SLC39A11: variants seen among roughly 807,000 people sequenced by gnomAD.
The protein encoded by SLC39A11 is zinc transporter ZIP11.
SLC39A11 carries 33 observed loss-of-function variants against 36.1 expected under a neutral mutation model. That is an observed-to-expected ratio of 0.91 (90% CI 0.69 to 1.22). The LOEUF (loss-of-function observed/expected upper bound fraction) is 1.22. SLC39A11 is among the 50% of genes most tolerant of loss of function. SLC39A11 has a pLI of 0.00. For synonymous variants in SLC39A11, 166 were observed against 170.3 expected (o/e 0.97, Z 0.20); for missense variants, 432 against 430.3 (o/e 1.00, Z -0.03).
chr17:72,958,646 T>C (rs1425817356), intron 4 of SLC39A11, among the ~76,000 whole-genome samples: 2 of 152,126 alleles, frequency 1.3e-5, no homozygotes, highest in Non-Finnish European at 2.9e-5. Flanking sequence ...GGATCAGGAA[T>C]TCGAGACCAG....
Position 73,002,900 on chromosome 17 carries a change from C to A in SLC39A11, c.306+28656G>T, listed in dbSNP as rs148584757. Among the ~76,000 whole-genome samples the A allele has an allele frequency of 4.9e-3, 754 of 152,340 alleles. 6 individuals are homozygous for A. The highest frequency in any genetic ancestry group is 0.017 in the African/African-American group (696 of 41,562). ...AGCCTCTATGGTCATGTTGCCTCCTCCTCTCCTGTTCAAATCCCCCTCTGC... is the reference window on the plus strand; with the variant it reads ...AGCCTCTATGGTCATGTTGCCTCCTACTCTCCTGTTCAAATCCCCCTCTGC... On this transcript the variant is annotated intron_variant, in intron 4 of 9. Coordinates refer to ENST00000255559, the MANE Select transcript of SLC39A11 (RefSeq NM_139177.4).
At chr17:72,665,099 G>A (rs1246331975) in intron 7 of SLC39A11, among the ~76,000 whole-genome samples, 3 of 152,164 alleles carry the variant, frequency 2.0e-5, no homozygotes, top group Admixed American at 6.5e-5. Flanking sequence ...TACTAGCTCT[G>A]GGGGAAGCCA....
Position 72,935,418 on chromosome 17 carries a change from C to A in SLC39A11, c.430+12334G>T, listed in dbSNP as rs369417007. ...GGTTTAACTACAAGGGGCCAAGAGG[C>A]TGCTCAAGGGAATATGGGGAGGTGA... On this transcript the variant is annotated intron_variant, in intron 5 of 9. Coordinates refer to ENST00000255559, the MANE Select transcript of SLC39A11 (RefSeq NM_139177.4). Among the ~76,000 whole-genome samples, 77 of 152,244 alleles carry A rather than the reference C, an allele frequency of 5.1e-4. 1 individual carries two copies. In the South Asian group the frequency reaches 7.5e-3, roughly 15 times the overall value.
At chr17:72,771,250 G>A (rs866813900) in intron 6 of SLC39A11, among the ~76,000 whole-genome samples, 4 of 151,866 alleles carry the variant, frequency 2.6e-5, no homozygotes, top group Non-Finnish European at 4.4e-5. Flanking sequence ...TGGGAGTGGC[G>A]GCGATGCCTG....
At chr17:72,911,163 G>A (rs1039751771) in intron 5 of SLC39A11, among the ~76,000 whole-genome samples, 3 of 151,916 alleles carry the variant, frequency 2.0e-5, no homozygotes, top group South Asian at 4.2e-4. Flanking sequence ...TCCACCATAC[G>A]GATTTAGAGA....
chr17:72,944,641 C>A (rs944579504), intron 5 of SLC39A11, among the ~76,000 whole-genome samples: 3 of 152,192 alleles, frequency 2.0e-5, no homozygotes, highest in African/African-American at 7.2e-5. Context: ...CTCCTGGCCT[C>A]ATTTCTAGAA....
Position 72,910,771 on chromosome 17 carries a change from A to AT in SLC39A11, c.430+36980dup, listed in dbSNP as rs1203298455. On this transcript the variant is annotated intron_variant, in intron 5 of 9. Coordinates refer to ENST00000255559, the MANE Select transcript of SLC39A11 (RefSeq NM_139177.4). ...GTGAAACCTCATCTCTACTAAAAAT[A>AT]TAAAAAATAGCCGGGCGTGATGGCA... Among the ~76,000 whole-genome samples, 33 of 109,228 alleles carry AT rather than the reference A, an allele frequency of 3.0e-4. No individual in the cohort carries two copies. In the South Asian group the frequency reaches 3.0e-3, roughly 10 times the overall value. The allele number at this position is 109,228 out of a possible 152,430, so 71.7% of individuals were successfully genotyped here. A position where few individuals can be genotyped will look rare whatever the true frequency, so the allele number is the denominator to read the frequency against.
chr17:72,981,594 C>CAAAAA (rs11444135), intron 4 of SLC39A11, among the ~76,000 whole-genome samples: 4 of 131,244 alleles, frequency 3.0e-5, no homozygotes, highest in Non-Finnish European at 3.2e-5. Flanking sequence ...TATTTAAATG[C>CAAAAA]AAAAAAAAAA....
chr17:72,951,052 A>G (rs2452916), intron 4 of SLC39A11, among the ~76,000 whole-genome samples: 42,736 of 151,106 alleles, frequency 0.28, 7,013 homozygotes, highest in East Asian at 0.5. Context: ...ACTTGAGCCC[A>G]GGAGTTCGAG....
At chr17:72,865,195 C>G (rs1208725108) in intron 5 of SLC39A11, among the ~76,000 whole-genome samples, 1 of 151,892 alleles carries the variant, frequency 6.6e-6, no homozygotes, top group Non-Finnish European at 1.5e-5. Flanking sequence ...AATATGGGTC[C>G]CAGGAACAGG....
intron 5 of SLC39A11, among the ~76,000 whole-genome samples, chr17:72,863,527 C>T (rs963930217): frequency 6.6e-6 from 1 of 152,184 alleles, no homozygotes; most frequent in African/African-American, 2.4e-5. Context: ...CCCAATATCC[C>T]ACCCAGACAC....
chr17:72,953,260 T>A (rs1476129805), intron 4 of SLC39A11, among the ~76,000 whole-genome samples: 1 of 151,632 alleles, frequency 6.6e-6, no homozygotes, highest in Non-Finnish European at 1.5e-5. Flanking sequence ...CAGAGCAACT[T>A]CCACCCACTT....
intron 4 of SLC39A11, among the ~76,000 whole-genome samples, chr17:73,025,697 G>A (rs768820683): frequency 8.5e-5 from 13 of 152,182 alleles, no homozygotes; most frequent in East Asian, 1.9e-4. Flanking sequence ...AAAGAAGATC[G>A]AAATGGAGTC....
chr17:72,991,781 AAATGCTGC>A (rs1279741102), intron 4 of SLC39A11, among the ~76,000 whole-genome samples: 3 of 152,244 alleles, frequency 2.0e-5, no homozygotes, highest in African/African-American at 2.4e-5. Flanking sequence ...CCATTACAAG[AAATGCTGC>A]AATGAACATT....
At chr17:72,783,456 T>A (rs981544335) in intron 6 of SLC39A11, among the ~76,000 whole-genome samples, 1 of 152,178 alleles carries the variant, frequency 6.6e-6, no homozygotes, top group African/African-American at 2.4e-5. Context: ...CTCATGGAAA[T>A]TGAGATTACA....
intron 3 of SLC39A11, among the ~76,000 whole-genome samples, chr17:73,068,980 G>A (rs2060079703): frequency 6.6e-6 from 1 of 152,050 alleles, no homozygotes; most frequent in African/African-American, 2.4e-5. Context: ...GGAACTATAG[G>A]TTGATCACGT....
intron 6 of SLC39A11, among the ~76,000 whole-genome samples, chr17:72,807,903 T>C (rs1414523702): frequency 6.6e-6 from 1 of 152,134 alleles, no homozygotes; most frequent in Non-Finnish European, 1.5e-5. Flanking sequence ...ACAACCTAGA[T>C]TGGTGTTTAG....
intron 4 of SLC39A11, among the ~76,000 whole-genome samples, chr17:72,950,219 CTT>C (rs2085766919): frequency 6.6e-6 from 1 of 152,238 alleles, no homozygotes; most frequent in Non-Finnish European, 1.5e-5. Context: ...CCCCATGTAA[CTT>C]TGTCTCAACT....
chr17:72,808,615 G>A (rs1385442095), intron 6 of SLC39A11, among the ~76,000 whole-genome samples: 1 of 152,176 alleles, frequency 6.6e-6, no homozygotes, highest in South Asian at 2.1e-4. Flanking sequence ...CTCAGGAGTC[G>A]TGTGGCCAGA....
Sources: gnomAD v4.1 joint callset for allele counts (sites outside exome capture counted in the v4.1 genomes callset) on GRCh38, gnomAD v4.1.1 for gene constraint, MANE v1.5 for transcripts, NCBI Gene and HGNC (gene_info 2026-07-23, HGNC 2026-07-21) for gene names.